MAP3K19: variants seen among roughly 807,000 people sequenced by gnomAD.
MAP3K19 encodes mitogen-activated protein kinase kinase kinase 19.
In MAP3K19, 91 loss-of-function variants were observed where a neutral mutation model predicts 114.4. The observed-to-expected ratio is 0.80, with a 90% CI of 0.67 to 0.95. The LOEUF is 0.95. MAP3K19 is among the 40% of genes least tolerant of loss of function. MAP3K19 has a pLI of 0.00. For missense variants in MAP3K19, 1,471 were observed against 1,573.2 expected, an observed-to-expected ratio of 0.94 and a Z score of 1.10; for synonymous variants, 518 against 530.5, an observed-to-expected ratio of 0.98 and a Z score of 0.32.
At chr2:134,985,385 G>A (rs560207123) in intron 10 of MAP3K19, among the ~76,000 whole-genome samples, 87 of 152,302 alleles carry the variant, frequency 5.7e-4, no homozygotes, top group Admixed American at 1.4e-3. Flanking sequence ...GAACAAAATG[G>A]TGAGCCACTT....
intron 12 of MAP3K19, among the ~76,000 whole-genome samples, chr2:134,979,880 A>C (rs138869805): frequency 6.6e-6 from 1 of 152,170 alleles, no homozygotes; most frequent in Non-Finnish European, 1.5e-5. Context: ...ATTGGCAGAG[A>C]GGGAGACCTG....
rs1686232667 is a variant in MAP3K19, at chr2:134,998,979, A to G, written c.333T>C (p.Leu111=). ...CTGCATGTGCTTGTGCCCATTCTTG[A>G]AGCGATGAGTTTATCAGACTAAAGG... is the stretch of plus-strand genomic sequence containing the variant. ...LKEKNLINSS[L]QEWAQAHAVS... The change falls in exon 8 of 13, where the codon CTT becomes CTC. Residue 111 remains leucine (L), a synonymous_variant. Transcript: ENST00000392915. The G allele has an allele frequency of 1.2e-6, 2 of 1,613,258 alleles. No individual in the cohort carries two copies. The highest frequency in any genetic ancestry group is 2.7e-5 in the African/African-American group (2 of 74,784).
intron 5 of MAP3K19, among the ~76,000 whole-genome samples, chr2:135,013,573 CT>C (rs1036159524): frequency 6.6e-6 from 1 of 151,980 alleles, no homozygotes; most frequent in Non-Finnish European, 1.5e-5. Context: ...CTTCTTTGCT[CT>C]GCCTATTCAT....
chr2:134,977,644 G>T (rs1684337209), intron 12 of MAP3K19, among the ~76,000 whole-genome samples: 1 of 152,026 alleles, frequency 6.6e-6, no homozygotes, highest in Admixed American at 6.5e-5. Flanking sequence ...TTACTGGCGT[G>T]AGCCACCGCG....
At chr2:134,978,524 C>T (rs1684406586) in intron 12 of MAP3K19, among the ~76,000 whole-genome samples, 1 of 152,112 alleles carries the variant, frequency 6.6e-6, no homozygotes, top group Admixed American at 6.6e-5. Flanking sequence ...TTAAATGTGT[C>T]CTTCCAATCT....
intron 6 of MAP3K19, among the ~76,000 whole-genome samples, chr2:135,004,069 G>A (rs1686638707): frequency 6.6e-6 from 1 of 152,224 alleles, no homozygotes; most frequent in Admixed American, 6.5e-5. Context: ...TAGTGGAGAT[G>A]CCTCATAAGT....
chr2:134,965,503 C>T (rs1683270309), intron 12 of MAP3K19, among the ~76,000 whole-genome samples: 1 of 152,034 alleles, frequency 6.6e-6, no homozygotes, highest in Non-Finnish European at 1.5e-5. Flanking sequence ...AGGTATCAGT[C>T]AATGAGCCAG....
chr2:135,019,244 G>GT (rs1442209774), intron 5 of MAP3K19, among the ~76,000 whole-genome samples: 1 of 152,106 alleles, frequency 6.6e-6, no homozygotes, highest in East Asian at 1.9e-4. Flanking sequence ...AATGGATGTT[G>GT]TTTTTTATCA....
intron 12 of MAP3K19, among the ~76,000 whole-genome samples, chr2:134,968,820 C>T (rs1683633043): frequency 6.6e-6 from 1 of 151,632 alleles, no homozygotes; most frequent in Non-Finnish European, 1.5e-5. Flanking sequence ...CTCCTCACTT[C>T]CTAGATGGGA....
chr2:135,032,614 T>A lies in MAP3K19; in HGVS notation c.-283-2114A>T, dbSNP rs181894666. Among the ~76,000 whole-genome samples, 368 of 151,286 alleles carry A rather than the reference T, an allele frequency of 2.4e-3. 2 individuals are homozygous for A. The highest frequency in any genetic ancestry group is 8.3e-3 in the African/African-American group (342 of 41,362). ...TTTTTAATTTAATTTAATTTTATTT[T>A]ATTTATTTATTTTTTTTAATTGATC... On this transcript the variant is annotated intron_variant, in intron 2 of 12. Coordinates refer to ENST00000392915, the MANE Select transcript of MAP3K19 (RefSeq NM_025052.5).
intron 3 of MAP3K19, among the ~76,000 whole-genome samples, chr2:135,027,307 G>A (rs948715020): frequency 5.1e-5 from 7 of 137,140 alleles, no homozygotes; most frequent in African/African-American, 1.9e-4. Context: ...GGAAGGAGAG[G>A]GAAAAGAAAG....
chr2:135,025,199 T>A (rs1688204776), intron 3 of MAP3K19, among the ~76,000 whole-genome samples: 1 of 151,962 alleles, frequency 6.6e-6, no homozygotes, highest in Non-Finnish European at 1.5e-5. Context: ...TGCTGACTTT[T>A]TTGATATTTC....
At chr2:135,000,937 C>T (rs906907880) in intron 6 of MAP3K19, among the ~76,000 whole-genome samples, 6 of 152,236 alleles carry the variant, frequency 3.9e-5, no homozygotes, top group Non-Finnish European at 7.4e-5. Context: ...TCAGACATCC[C>T]TTTTCTGCCA....
intron 10 of MAP3K19, among the ~76,000 whole-genome samples, chr2:134,984,356 CATA>C (rs1460098376): frequency 6.6e-6 from 1 of 152,090 alleles, no homozygotes; most frequent in Non-Finnish European, 1.5e-5. Context: ...TGTACACACA[CATA>C]AACATAAATA....
chr2:135,040,751 A>T (rs1436446129), intron 1 of MAP3K19, among the ~76,000 whole-genome samples: 1 of 152,174 alleles, frequency 6.6e-6, no homozygotes, highest in Non-Finnish European at 1.5e-5. Flanking sequence ...GTACATGCTG[A>T]ATTAGGAAGA....
chr2:135,005,575 T>G, intron 5 of MAP3K19, 44 bp from the exon 6 acceptor site: 1 of 1,452,610 alleles, frequency 6.9e-7, no homozygotes, highest in Non-Finnish European at 9.6e-7. Context: ...AGTTATTCGA[T>G]GTACCAGTTT....
At chr2:134,977,840 A>T (rs1383678690) in intron 12 of MAP3K19, among the ~76,000 whole-genome samples, 1 of 152,106 alleles carries the variant, frequency 6.6e-6, no homozygotes, top group Non-Finnish European at 1.5e-5. Flanking sequence ...TAACAAGGCT[A>T]AGCTCGGTGA....
chr2:135,000,381 T>C (rs2105296092), intron 6 of MAP3K19, among the ~76,000 whole-genome samples: 1 of 152,360 alleles, frequency 6.6e-6, no homozygotes, highest in African/African-American at 2.4e-5. Flanking sequence ...ACACCAAAGA[T>C]GTTTGCTTGT....
intron 5 of MAP3K19, 133 bp downstream of exon 5, chr2:135,021,582 C>T: frequency 1.7e-6 from 1 of 588,114 alleles, no homozygotes. Context: ...GAGTGTCTTA[C>T]CAAATATGCT....
Sources: gnomAD v4.1 joint callset for allele counts (sites outside exome capture counted in the v4.1 genomes callset) on GRCh38, gnomAD v4.1.1 for gene constraint, MANE v1.5 for transcripts, NCBI Gene and HGNC (gene_info 2026-07-23, HGNC 2026-07-21) for gene names.